The following DLGAP2 variants were observed in gnomAD, a reference collection of about 807,000 sequenced individuals.
DLGAP2 encodes DLG associated protein 2.
In DLGAP2, 26 loss-of-function variants were observed where a neutral mutation model predicts 100.3. That is an observed-to-expected ratio of 0.26 (90% CI 0.19 to 0.36). The LOEUF is 0.36. Ranked by LOEUF, DLGAP2 falls within the 10% of genes least tolerant of loss-of-function variation. DLGAP2 has a pLI of 1.00. For synonymous variants in DLGAP2, 886 were observed against 630.1 expected, an observed-to-expected ratio of 1.41 and a Z score of -6.08; for missense variants, 1,858 against 1,453.2, an observed-to-expected ratio of 1.28 and a Z score of -4.53.
intron 1 of DLGAP2, among the ~76,000 whole-genome samples, chr8:862,504 A>G (rs1334571473): frequency 6.6e-6 from 1 of 151,970 alleles, no homozygotes; most frequent in East Asian, 1.9e-4. Context: ...GGATTTTGCC[A>G]TGTTGGCTAG....
intron 3 of DLGAP2, among the ~76,000 whole-genome samples, chr8:1,423,903 T>C (rs866145219): frequency 6.6e-5 from 10 of 152,122 alleles, no homozygotes; most frequent in Non-Finnish European, 1.3e-4. Context: ...AGCAAAAATA[T>C]CCCACGTTCA....
In DLGAP2 at chr8:1,702,645, C is replaced by G. The variant is rs1181073109; in HGVS notation, c.*1239C>G. On this transcript the variant is annotated 3_prime_UTR_variant, in exon 15 of 15. Coordinates refer to ENST00000637795, the MANE Select transcript of DLGAP2 (RefSeq NM_001346810.2). ...AAAAAAAAAATTGGTGTTCATGACT[C>G]TGTGGTCGGTGCCAGAGGAAAATAG... 6.6e-6 allele frequency: 1 copy of G among 151,138 alleles called. No individual in the cohort carries two copies. Among genetic ancestry groups the G allele is most frequent in the Non-Finnish European group, 1.5e-5 (1 of 67,806 alleles). 9.4% of individuals were successfully genotyped at this position (151,138 alleles called of 1,614,324 possible). A position where few individuals can be genotyped will look rare whatever the true frequency, so the allele number is the denominator to read the frequency against.
At position 1,668,913 on chromosome 8, in the gene DLGAP2, GGGGT is replaced by G. The variant is rs1647442358; in HGVS notation, c.2160+236_2160+239del. On this transcript the variant is annotated intron_variant, in intron 9 of 14. Transcript: ENST00000637795. ...CCAGTGCAGGGCTGAAGGAAACCCA[GGGGT>G]TCCAGCTCCCTGTCCCCTGCCACCC... Among the ~76,000 whole-genome samples the G allele has an allele frequency of 2.6e-5, 4 of 151,690 alleles. No individual in the cohort carries two copies. In the South Asian group the frequency reaches 8.3e-4, roughly 31 times the overall value.
intron 3 of DLGAP2, among the ~76,000 whole-genome samples, chr8:1,447,037 A>T (rs1298827172): frequency 1.3e-5 from 2 of 152,222 alleles, no homozygotes; most frequent in Non-Finnish European, 2.9e-5. Context: ...GTCGTCTGCA[A>T]AGAGGGACAA....
intron 1 of DLGAP2, among the ~76,000 whole-genome samples, chr8:882,034 A>G (rs937452053): frequency 2.6e-5 from 4 of 152,118 alleles, no homozygotes; most frequent in African/African-American, 9.7e-5. Context: ...TGTCCTGTTC[A>G]TTCTGGGCAC....
intron 3 of DLGAP2, among the ~76,000 whole-genome samples, chr8:1,316,113 CT>C (rs71528644): frequency 7.7e-6 from 1 of 129,648 alleles, no homozygotes; most frequent in Non-Finnish European, 1.7e-5. Context: ...CACTCGGCAG[CT>C]TTTAAAAATA....
At chr8:1,239,785 T>C (rs1798743546) in intron 2 of DLGAP2, among the ~76,000 whole-genome samples, 1 of 53,242 alleles carries the variant, frequency 1.9e-5, no homozygotes, top group Non-Finnish European at 3.6e-5. Flanking sequence ...TTCTCTCACA[T>C]GGCGCCGTGT....
intron 2 of DLGAP2, among the ~76,000 whole-genome samples, chr8:1,176,758 A>G (rs148680873): frequency 6.6e-6 from 1 of 151,922 alleles, no homozygotes; most frequent in African/African-American, 2.4e-5. Context: ...TCCAGAAGAG[A>G]TGGTCACTGG....
chr8:1,166,749 C>G (rs955676728), intron 2 of DLGAP2, among the ~76,000 whole-genome samples: 4 of 152,050 alleles, frequency 2.6e-5, no homozygotes, highest in Non-Finnish European at 5.9e-5. Flanking sequence ...ATAAATTATA[C>G]AATTATTATT....
At chr8:1,023,003 G>T (rs542388363) in intron 2 of DLGAP2, among the ~76,000 whole-genome samples, 1 of 152,320 alleles carries the variant, frequency 6.6e-6, no homozygotes, top group African/African-American at 2.4e-5. Context: ...CATTAAACTC[G>T]CATGTATCTT....
chr8:1,311,229 G>A (rs1028696620), intron 3 of DLGAP2, among the ~76,000 whole-genome samples: 1 of 152,042 alleles, frequency 6.6e-6, no homozygotes, highest in Non-Finnish European at 1.5e-5. Flanking sequence ...ACTGACTGAA[G>A]ACAAGATAAA....
At chr8:1,374,068 A>T (rs1214452394) in intron 3 of DLGAP2, among the ~76,000 whole-genome samples, 1 of 151,478 alleles carries the variant, frequency 6.6e-6, no homozygotes, top group Non-Finnish European at 1.5e-5. Context: ...AGGTTTGCAG[A>T]CGGCTGTGTG....
intron 2 of DLGAP2, among the ~76,000 whole-genome samples, chr8:1,093,889 G>C (rs1441826461): frequency 3.9e-5 from 6 of 152,190 alleles, no homozygotes; most frequent in Non-Finnish European, 5.9e-5. Context: ...GGTGCCAGCC[G>C]AGGGGTCTGT....
chr8:1,373,408 G>A (rs904703828), intron 3 of DLGAP2, among the ~76,000 whole-genome samples: 6 of 152,158 alleles, frequency 3.9e-5, no homozygotes, highest in African/African-American at 1.4e-4. Context: ...TTGCGTCCCC[G>A]GGCTTCCTGC....
chr8:1,524,423 A>T (rs1228667428), intron 4 of DLGAP2, among the ~76,000 whole-genome samples: 1 of 152,126 alleles, frequency 6.6e-6, no homozygotes, highest in Non-Finnish European at 1.5e-5. Flanking sequence ...CTCCCTGTAG[A>T]GTCAGCTTGG....
chr8:1,161,471 C>A (rs914397831), intron 2 of DLGAP2, among the ~76,000 whole-genome samples: 3 of 152,158 alleles, frequency 2.0e-5, no homozygotes, highest in African/African-American at 7.2e-5. Context: ...TGCAAACTGG[C>A]CTAAGAGTGA....
At chr8:839,820 C>A (rs1563057914) in intron 1 of DLGAP2, among the ~76,000 whole-genome samples, 1 of 152,244 alleles carries the variant, frequency 6.6e-6, no homozygotes, top group Non-Finnish European at 1.5e-5. Context: ...TCTGTCTCCA[C>A]TGAGATGCCT....
chr8:1,328,790 G>T (rs920783156), intron 3 of DLGAP2, among the ~76,000 whole-genome samples: 1 of 152,208 alleles, frequency 6.6e-6, no homozygotes, highest in Non-Finnish European at 1.5e-5. Context: ...TCGGGATGCC[G>T]CTTACGTATC....
chr8:974,132 A>C (rs1291451903), intron 2 of DLGAP2, among the ~76,000 whole-genome samples: 1 of 152,214 alleles, frequency 6.6e-6, no homozygotes, highest in Non-Finnish European at 1.5e-5. Flanking sequence ...AATTTTTCGG[A>C]ACTAATGGTA....
Sources: allele counts gnomAD v4.1 joint callset (sites outside exome capture counted in the v4.1 genomes callset), GRCh38; gene constraint gnomAD v4.1.1; transcripts MANE v1.5; gene names NCBI Gene and HGNC (gene_info 2026-07-23, HGNC 2026-07-21).